Variants in RTN4IP1 observed in about 807,000 individuals in gnomAD.
The protein encoded by RTN4IP1 is reticulon 4 interacting protein 1.
Under a neutral mutation model 46.6 loss-of-function variants are expected in RTN4IP1, and 32 were observed. That is an observed-to-expected ratio of 0.69 (90% CI 0.52 to 0.92). RTN4IP1 has a LOEUF of 0.92. Ranked by LOEUF, RTN4IP1 falls within the 40% of genes least tolerant of loss-of-function variation. The pLI is 0.00. For synonymous variants in RTN4IP1, 167 were observed against 161.8 expected (o/e 1.03, Z -0.24); for missense variants, 424 against 485.8 (o/e 0.87, Z 1.20).
chr6:106,617,326 T>C (rs1383573267), intron 4 of RTN4IP1, among the ~76,000 whole-genome samples: 1 of 152,232 alleles, frequency 6.6e-6, no homozygotes, highest in Non-Finnish European at 1.5e-5. Context: ...ATGATGTGAA[T>C]TGTTGAGACT....
chr6:106,584,216 G>A (rs1465408783), intron 7 of RTN4IP1, among the ~76,000 whole-genome samples: 1 of 152,222 alleles, frequency 6.6e-6, no homozygotes, highest in African/African-American at 2.4e-5. Flanking sequence ...TAGGATTACA[G>A]GCGTGAGCCA....
chr6:106,582,464 G>C (rs1775392850), intron 8 of RTN4IP1, among the ~76,000 whole-genome samples: 1 of 152,154 alleles, frequency 6.6e-6, no homozygotes, highest in South Asian at 2.1e-4. Context: ...AAGCACAAGA[G>C]TTTTGGTTCC....
intron 4 of RTN4IP1, among the ~76,000 whole-genome samples, chr6:106,614,477 T>C (rs925012819): frequency 6.6e-6 from 1 of 152,090 alleles, no homozygotes; most frequent in Non-Finnish European, 1.5e-5. Context: ...GTTACCAAAC[T>C]ATAAGTAGAA....
chr6:106,607,041 A>G (rs1582376612), intron 4 of RTN4IP1, among the ~76,000 whole-genome samples: 1 of 152,336 alleles, frequency 6.6e-6, no homozygotes, highest in East Asian at 1.9e-4. Context: ...TGGTACTGGT[A>G]TAAAAACAGA....
intron 8 of RTN4IP1, among the ~76,000 whole-genome samples, chr6:106,575,560 C>T (rs1465099431): frequency 6.6e-6 from 1 of 152,186 alleles, no homozygotes; most frequent in Non-Finnish European, 1.5e-5. Context: ...GAAGACGGTA[C>T]AGAAAACCTC....
intron 5 of RTN4IP1, among the ~76,000 whole-genome samples, chr6:106,598,028 T>C (rs1775844165): frequency 6.6e-6 from 1 of 152,224 alleles, no homozygotes; most frequent in South Asian, 2.1e-4. Context: ...CATGAACTCA[T>C]CATTTTTTAT....
At chr6:106,626,414 A>G (rs953755947) in intron 1 of RTN4IP1, among the ~76,000 whole-genome samples, 3 of 152,202 alleles carry the variant, frequency 2.0e-5, no homozygotes, top group African/African-American at 7.2e-5. Context: ...CCTGCCTTAC[A>G]TTCCTTTTCC....
chr6:106,626,724 T>C lies in RTN4IP1; in HGVS notation c.274+2024A>G, dbSNP rs796877087. ...GAACCTGTTTGGTGACACGGATGAC[T>C]GAATGGGGCCCTTAAGTGTTCCATC... is the stretch of plus-strand genomic sequence containing the variant. On this transcript the variant is annotated intron_variant, in intron 1 of 8. Coordinates refer to ENST00000369063, the MANE Select transcript of RTN4IP1 (RefSeq NM_032730.5). 2.2e-4 allele frequency among the ~76,000 whole-genome samples: 34 copies of C among 152,336 alleles called. 1 individual carries two copies. Among genetic ancestry groups the C allele is most frequent in the African/African-American group, 7.9e-4 (33 of 41,580 alleles).
At position 106,618,668 on chromosome 6, in the gene RTN4IP1, G is replaced by A. The variant is rs72945072; in HGVS notation, c.620+534C>T. ...TTGCTGCTAACCCAAATGAGTACAC[G>A]CTCAAGGCATTGGGGAATCAGAATT... On this transcript the variant is annotated intron_variant, in intron 4 of 8. Transcript: ENST00000369063. 3.5e-3 allele frequency among the ~76,000 whole-genome samples: 539 copies of A among 152,248 alleles called. 4 individuals carry two copies. Among genetic ancestry groups the A allele is most frequent in the African/African-American group, 0.012 (493 of 41,546 alleles).
At position 106,628,872 on chromosome 6, in the gene RTN4IP1, TTTA is replaced by T; in HGVS notation, c.147_149del (p.Asp49_Lys50delinsGlu). 6.2e-7 allele frequency: 1 copy of T among 1,614,154 alleles called. No homozygotes were observed. The highest frequency in any genetic ancestry group is 8.5e-7 in the Non-Finnish European group (1 of 1,180,018). On this transcript the variant is annotated inframe_deletion, in exon 1 of 9. Transcript: ENST00000369063. Reference sequence around the variant, plus strand: ...ATCGAAGCACTTCATTCTTCCCATATTTATCTATCACCCAAGCAGGCATGACAG... The same window carrying T: ...ATCGAAGCACTTCATTCTTCCCATATTCTATCACCCAAGCAGGCATGACAG...
In RTN4IP1 at chr6:106,602,901, T is replaced by C; in HGVS notation, c.642A>G (p.Ser214=). 2 of 1,605,734 alleles carry C rather than the reference T, an allele frequency of 1.2e-6. No individual in the cohort carries two copies. The highest frequency in any genetic ancestry group is 1.7e-6 in the Non-Finnish European group (2 of 1,176,712). Residue 214 remains serine (S), a synonymous_variant, in exon 5 of 9, where the codon TCA becomes TCG. Transcript: ENST00000369063. ...TGKRVLILGA[S]GGVGTFAIQV... is the part of the protein sequence containing the mutation. ...GTATAGCAAAAGTACCAACTCCGCCTGAAGCGCCTAAGATTAGAACACTGA... is the reference window on the plus strand; with the variant it reads ...GTATAGCAAAAGTACCAACTCCGCCCGAAGCGCCTAAGATTAGAACACTGA...
At chr6:106,606,416 T>A (rs1350529231) in intron 4 of RTN4IP1, among the ~76,000 whole-genome samples, 1 of 151,902 alleles carries the variant, frequency 6.6e-6, no homozygotes, top group Admixed American at 6.6e-5. Flanking sequence ...CAACACTCTG[T>A]CTCCAAAAAG....
At chr6:106,604,686 T>A (rs575887784) in intron 4 of RTN4IP1, among the ~76,000 whole-genome samples, 1 of 152,270 alleles carries the variant, frequency 6.6e-6, no homozygotes, top group African/African-American at 2.4e-5. Context: ...ATGAATTTTG[T>A]CCTAGGCTAC....
chr6:106,628,760 C>CGTCTATAG lies in RTN4IP1; in HGVS notation c.254_261dup (p.Val88LeufsTer2). 1 of 1,610,818 alleles carries CGTCTATAG rather than the reference C, an allele frequency of 6.2e-7. No homozygotes were observed. Among genetic ancestry groups the CGTCTATAG allele is most frequent in the Middle Eastern group, 1.7e-4 (1 of 6,052 alleles). On this transcript the variant is annotated stop_gained and frameshift_variant, in exon 1 of 9. Transcript: ENST00000369063. LOFTEE classifies it high-confidence loss of function. ...TTTGAAAACTTACTTCTCATATTAA[C>CGTCTATAG]GTCTATAGGATTTACACTGGCAGCG...
At chr6:106,606,703 T>A (rs1208887821) in intron 4 of RTN4IP1, among the ~76,000 whole-genome samples, 1 of 151,554 alleles carries the variant, frequency 6.6e-6, no homozygotes, top group African/African-American at 2.4e-5. Context: ...AGCTCAGGAG[T>A]TCAAGACCAG....
chr6:106,624,383 C>A (rs1776576517), intron 1 of RTN4IP1, among the ~76,000 whole-genome samples: 1 of 151,478 alleles, frequency 6.6e-6, no homozygotes, highest in Non-Finnish European at 1.5e-5. Flanking sequence ...AGAGATGAAG[C>A]CTCACTCTGT....
intron 2 of RTN4IP1, among the ~76,000 whole-genome samples, chr6:106,621,908 T>C (rs770488448): frequency 1.3e-5 from 2 of 152,230 alleles, no homozygotes; most frequent in Non-Finnish European, 2.9e-5. Context: ...GTGTTAGCTA[T>C]GATTATGAAC....
Position 106,629,224 on chromosome 6 carries a change from G to A in RTN4IP1, c.-203C>T. ...AACTGTTATTCCGCTCTTCGCATAT[G>A]AAATGCTCGAATTAACGTTCCAGTC... is the stretch of plus-strand genomic sequence containing the variant. On this transcript the variant is annotated 5_prime_UTR_variant, in exon 1 of 9. Coordinates refer to ENST00000369063, the MANE Select transcript of RTN4IP1 (RefSeq NM_032730.5). 1 of 590,136 alleles carries A rather than the reference G, an allele frequency of 1.7e-6. No homozygotes were observed. The highest frequency in any genetic ancestry group is 3.0e-6 in the Non-Finnish European group (1 of 334,002). The allele number at this position is 590,136 out of a possible 1,614,324, so 36.6% of individuals were successfully genotyped here. A position where few individuals can be genotyped will look rare whatever the true frequency, so the allele number is the denominator to read the frequency against.
At chr6:106,598,264 T>C (rs1174066651) in intron 5 of RTN4IP1, among the ~76,000 whole-genome samples, 1 of 152,214 alleles carries the variant, frequency 6.6e-6, no homozygotes, top group Non-Finnish European at 1.5e-5. Flanking sequence ...CCCTGAGGAA[T>C]CGCCACACTG....
Sources: gnomAD v4.1 joint callset for allele counts (sites outside exome capture counted in the v4.1 genomes callset) on GRCh38, gnomAD v4.1.1 for gene constraint, MANE v1.5 for transcripts, NCBI Gene and HGNC (gene_info 2026-07-23, HGNC 2026-07-21) for gene names.